The following CADPS2 variants were observed in gnomAD, a reference collection of about 807,000 sequenced individuals.
CADPS2 encodes calcium dependent secretion activator 2, also known as calcium-dependent secretion activator 2.
CADPS2 carries 93 observed loss-of-function variants against 172.5 expected under a neutral mutation model. The observed-to-expected ratio is 0.54, with a 90% CI of 0.46 to 0.64. The LOEUF (loss-of-function observed/expected upper bound fraction) is 0.64. Among genes scored for constraint, CADPS2 ranks in the 30% least tolerant of loss-of-function variants. CADPS2 has a pLI of 0.00. For missense variants in CADPS2, 1,420 were observed against 1,565.9 expected, an observed-to-expected ratio of 0.91 and a Z score of 1.57; for synonymous variants, 546 against 555.2, an observed-to-expected ratio of 0.98 and a Z score of 0.23.
At position 122,451,364 on chromosome 7, in the gene CADPS2, A is replaced by T; in HGVS notation, c.2288+10T>A. 7.4e-7 allele frequency: 1 copy of T among 1,342,894 alleles called. No homozygotes were observed. The highest frequency in any genetic ancestry group is 1.0e-6 in the Non-Finnish European group (1 of 994,042). 83.2% of individuals were successfully genotyped at this position (1,342,894 alleles called of 1,614,324 possible). On this transcript the variant is annotated intron_variant, in intron 15 of 29. Coordinates refer to ENST00000449022, the MANE Select transcript of CADPS2 (RefSeq NM_017954.11). Reference sequence around the variant, plus strand: ...AAAAGAAATATTTATATTAATAAAAAAATATATACCTGAAATGGCTTATCT... The same window carrying T: ...AAAAGAAATATTTATATTAATAAAATAATATATACCTGAAATGGCTTATCT...
intron 2 of CADPS2, among the ~76,000 whole-genome samples, chr7:122,688,505 T>C (rs1008270136): frequency 2.0e-5 from 3 of 152,164 alleles, no homozygotes; most frequent in Admixed American, 2.0e-4. Context: ...CATAGGTAGA[T>C]GAAATATGGC....
chr7:122,482,397 A>C (rs976416853), intron 11 of CADPS2, among the ~76,000 whole-genome samples: 1 of 152,140 alleles, frequency 6.6e-6, no homozygotes, highest in African/African-American at 2.4e-5. Context: ...AAAACATTAC[A>C]TAACGCACAG....
rs1001661032 is a variant in CADPS2 at position 122,698,991 on chromosome 7, G to A, written c.454-35422C>T. 26 of 1,122,676 alleles carry A rather than the reference G, an allele frequency of 2.3e-5. No homozygotes were observed. The African/African-American group carries it at 2.4e-4, about 10-fold the overall frequency. The allele number at this position is 1,122,676 out of a possible 1,614,324, so 69.5% of individuals were successfully genotyped here. A position where few individuals can be genotyped will look rare whatever the true frequency, so the allele number is the denominator to read the frequency against. The stretch of plus-strand genomic sequence containing the variant: ...CTGTTGACAATTAATTTAAAATAAC[G>A]AAGAGAAAAAAATCTTCAGGATACA... On this transcript the variant is annotated intron_variant, in intron 2 of 29. Coordinates refer to ENST00000449022, the MANE Select transcript of CADPS2 (RefSeq NM_017954.11).
At chr7:122,479,463 G>A (rs940855383) in intron 12 of CADPS2, among the ~76,000 whole-genome samples, 3 of 152,140 alleles carry the variant, frequency 2.0e-5, no homozygotes, top group Non-Finnish European at 4.4e-5. Flanking sequence ...ATTTTACCTA[G>A]ATCAGCCTGA....
chr7:122,572,517 G>C (rs2067405853), intron 7 of CADPS2, among the ~76,000 whole-genome samples: 1 of 152,094 alleles, frequency 6.6e-6, no homozygotes, highest in South Asian at 2.1e-4. Context: ...TAAAATGAAA[G>C]AAAAGTTATT....
intron 25 of CADPS2, among the ~76,000 whole-genome samples, chr7:122,367,510 CTGTTAACCA>C (rs1411857089): frequency 2.2e-5 from 3 of 133,752 alleles, no homozygotes; most frequent in Non-Finnish European, 4.7e-5. Context: ...ACTCTTGGCT[CTGTTAACCA>C]TATTCTAAAC....
chr7:122,328,585 A>G (rs1446882448), intron 28 of CADPS2: 2 of 152,076 alleles, frequency 1.3e-5, no homozygotes, highest in African/African-American at 4.8e-5. Context: ...TATTTTACAA[A>G]TTTTTTCTAC....
At chr7:122,774,907 T>G (rs2093827612) in intron 1 of CADPS2, among the ~76,000 whole-genome samples, 1 of 152,164 alleles carries the variant, frequency 6.6e-6, no homozygotes, top group African/African-American at 2.4e-5. Flanking sequence ...AAATAATTAA[T>G]ATATAACCAC....
chr7:122,822,859 A>G (rs1262019284), intron 1 of CADPS2, among the ~76,000 whole-genome samples: 2 of 150,812 alleles, frequency 1.3e-5, no homozygotes, highest in Non-Finnish European at 3.0e-5. Context: ...TACCTACCCA[A>G]ATCCTATAAA....
chr7:122,748,721 C>T (rs769162245), intron 1 of CADPS2, among the ~76,000 whole-genome samples: 19 of 152,156 alleles, frequency 1.2e-4, no homozygotes, highest in Non-Finnish European at 2.4e-4. Flanking sequence ...GGACTTTCAG[C>T]TCATCATCTT....
chr7:122,327,427 G>T lies in CADPS2; in HGVS notation c.3613-1846C>A, dbSNP rs139629011. On this transcript the variant is annotated intron_variant, in intron 28 of 29. Transcript: ENST00000449022. ...TAAAAATTACAGTTATTTTGCAAGG[G>T]ATAGTAAATATTTCTTTCTTGTTGA... Among the ~76,000 whole-genome samples the T allele has an allele frequency of 3.4e-3, 515 of 152,128 alleles. 4 individuals carry two copies. The highest frequency in any genetic ancestry group is 0.011 in the African/African-American group (463 of 41,540).
intron 1 of CADPS2, among the ~76,000 whole-genome samples, chr7:122,745,831 T>C (rs979036935): frequency 6.6e-6 from 1 of 152,000 alleles, no homozygotes; most frequent in African/African-American, 2.4e-5. Flanking sequence ...TTCCAGATAA[T>C]TTCAACACAC....
At chr7:122,410,788 A>G (rs1585748822) in intron 19 of CADPS2, among the ~76,000 whole-genome samples, 1 of 152,216 alleles carries the variant, frequency 6.6e-6, no homozygotes, top group Non-Finnish European at 1.5e-5. Flanking sequence ...ATCTTATGTG[A>G]GTTTATGTGT....
At chr7:122,846,773 GCTCT>G (rs899382687) in intron 1 of CADPS2, among the ~76,000 whole-genome samples, 3 of 152,164 alleles carry the variant, frequency 2.0e-5, no homozygotes, top group African/African-American at 7.2e-5. Flanking sequence ...GACAATAACA[GCTCT>G]CTTTCACTTC....
At position 122,624,267 on chromosome 7, in the gene CADPS2, T is replaced by C. The variant is rs139116118; in HGVS notation, c.868-2550A>G. Reference sequence around the variant, plus strand: ...GGGTTATTTCCTAGTTGTCTAACTGTGAGTCACTCTTACAAGTCATGTGTT... The same window carrying C: ...GGGTTATTTCCTAGTTGTCTAACTGCGAGTCACTCTTACAAGTCATGTGTT... On this transcript the variant is annotated intron_variant, in intron 4 of 29. Transcript: ENST00000449022. Among the ~76,000 whole-genome samples, 339 of 152,348 alleles carry C rather than the reference T, an allele frequency of 2.2e-3. 1 individual carries two copies. Among genetic ancestry groups the C allele is most frequent in the African/African-American group, 7.6e-3 (317 of 41,592 alleles).
Position 122,766,915 on chromosome 7 carries a change from G to A in CADPS2, c.340-29847C>T, listed in dbSNP as rs139432023. The stretch of plus-strand genomic sequence containing the variant: ...CAAAGCTGTATTTCCTACATATGAG[G>A]TAGGAATAACAATAGTATCTATTTG... On this transcript the variant is annotated intron_variant, in intron 1 of 29. Transcript: ENST00000449022. Among the ~76,000 whole-genome samples the A allele has an allele frequency of 3.7e-3, 568 of 152,206 alleles. 1 individual carries two copies. The highest frequency in any genetic ancestry group is 0.014 in the Middle Eastern group (4 of 294).
intron 2 of CADPS2, among the ~76,000 whole-genome samples, chr7:122,734,784 TC>T (rs1185869672): frequency 6.6e-6 from 1 of 152,010 alleles, no homozygotes; most frequent in African/African-American, 2.4e-5. Flanking sequence ...AAACAGTAAC[TC>T]CACAAATGCA....
At chr7:122,696,157 A>G (rs1409203551) in intron 2 of CADPS2, among the ~76,000 whole-genome samples, 1 of 152,190 alleles carries the variant, frequency 6.6e-6, no homozygotes. Context: ...ATGACAATTT[A>G]TCCTGATTAG....
intron 12 of CADPS2, chr7:122,480,140 C>T (rs2057116435): frequency 4.2e-6 from 2 of 470,872 alleles, no homozygotes; most frequent in Non-Finnish European, 8.8e-6. Context: ...CTCTTCCCCA[C>T]CCCTTCAGCT....
Sources: allele counts gnomAD v4.1 joint callset (sites outside exome capture counted in the v4.1 genomes callset), GRCh38; gene constraint gnomAD v4.1.1; transcripts MANE v1.5; gene names NCBI Gene and HGNC (gene_info 2026-07-23, HGNC 2026-07-21).